SMIM14: variants seen among roughly 807,000 people sequenced by gnomAD.
SMIM14 encodes the protein small integral membrane protein 14.
Under a neutral mutation model 12.6 loss-of-function variants are expected in SMIM14, and 5 were observed. That is an observed-to-expected ratio of 0.40 (90% CI 0.21 to 0.83). SMIM14 has a LOEUF of 0.83. SMIM14 is among the 40% of genes least tolerant of loss of function. SMIM14 has a pLI of 0.37. For missense variants in SMIM14, 86 were observed against 119.1 expected, an observed-to-expected ratio of 0.72 and a Z score of 1.29; for synonymous variants, 30 against 40.1, an observed-to-expected ratio of 0.75 and a Z score of 0.95.
intron 1 of SMIM14, among the ~76,000 whole-genome samples, chr4:39,607,674 T>C (rs13108584): frequency 0.014 from 2,151 of 152,312 alleles, 24 homozygotes; most frequent in Non-Finnish European, 0.024. Context: ...TAGACACAGA[T>C]ACTAATCTAA....
intron 1 of SMIM14, among the ~76,000 whole-genome samples, chr4:39,632,232 T>C (rs1007652746): frequency 2.5e-4 from 38 of 152,166 alleles, no homozygotes; most frequent in Admixed American, 7.8e-4. Flanking sequence ...GACTCATGCC[T>C]GTAATCCCAG....
chr4:39,589,742 T>C (rs1385928108), intron 2 of SMIM14: 1 of 152,102 alleles, frequency 6.6e-6, no homozygotes, highest in African/African-American at 2.4e-5. Context: ...GAGTTACTTT[T>C]TAAAAAGGAA....
At chr4:39,610,917 T>G (rs1311898559) in intron 1 of SMIM14, among the ~76,000 whole-genome samples, 4 of 151,978 alleles carry the variant, frequency 2.6e-5, no homozygotes, top group African/African-American at 9.6e-5. Flanking sequence ...AGAATATAAG[T>G]CCAAGAAACC....
Position 39,558,570 on chromosome 4 carries a change from T to TA in SMIM14, c.125-2001dup, listed in dbSNP as rs966393931. Among the ~76,000 whole-genome samples, 1 of 152,104 alleles carries TA rather than the reference T, an allele frequency of 6.6e-6. No individual in the cohort carries two copies. The highest frequency in any genetic ancestry group is 2.4e-5 in the African/African-American group (1 of 41,428). ...TTGCATAGGGCGGAGTGGGCTTACC[T>TA]AAAAAAACCCAGTTATACAAAGAAG... is the stretch of plus-strand genomic sequence containing the variant. On this transcript the variant is annotated intron_variant, in intron 3 of 4. Transcript: ENST00000295958. This position sits in a 1 kb window ranked among gnomAD's most constrained non-coding sequence, Gnocchi z 4.3.
chr4:39,630,636 C>T (rs889507919), intron 1 of SMIM14, among the ~76,000 whole-genome samples: 8 of 152,002 alleles, frequency 5.3e-5, no homozygotes, highest in African/African-American at 9.7e-5. Context: ...CCAAGGCAGG[C>T]GAATCACCTG....
chr4:39,614,601 C>T (rs1361996234), intron 1 of SMIM14, among the ~76,000 whole-genome samples: 2 of 152,086 alleles, frequency 1.3e-5, no homozygotes, highest in East Asian at 1.9e-4. Context: ...GGATTACAGG[C>T]GTAAACCACT....
intron 2 of SMIM14, chr4:39,593,821 A>G (rs565559277): frequency 1.9e-3 from 294 of 152,302 alleles, no homozygotes; most frequent in African/African-American, 6.6e-3. Flanking sequence ...AAGAGAATAA[A>G]ATACCTAGGA....
intron 1 of SMIM14, among the ~76,000 whole-genome samples, chr4:39,636,206 C>A (rs977385): frequency 7.0e-6 from 1 of 142,914 alleles, no homozygotes; most frequent in South Asian, 2.2e-4. Flanking sequence ...AAAAGTGTGA[C>A]GTGTAAAGTT....
At chr4:39,555,127 C>T (rs531768740) in intron 4 of SMIM14, among the ~76,000 whole-genome samples, 5 of 150,106 alleles carry the variant, frequency 3.3e-5, no homozygotes, top group East Asian at 2.0e-4. Context: ...TGAGCCACCG[C>T]GCCCGGCCTC....
At chr4:39,608,571 T>A (rs1319734285) in intron 1 of SMIM14, among the ~76,000 whole-genome samples, 5 of 152,236 alleles carry the variant, frequency 3.3e-5, no homozygotes, top group Non-Finnish European at 7.3e-5. Context: ...ATTCCATTTA[T>A]ATGAAATATC....
chr4:39,563,825 C>T (rs1306531838), intron 3 of SMIM14, among the ~76,000 whole-genome samples: 1 of 152,192 alleles, frequency 6.6e-6, no homozygotes, highest in African/African-American at 2.4e-5. Flanking sequence ...TGTACCACCT[C>T]TTAGGTATAT....
At chr4:39,613,421 G>A (rs891654335) in intron 1 of SMIM14, among the ~76,000 whole-genome samples, 2 of 152,134 alleles carry the variant, frequency 1.3e-5, no homozygotes, top group Non-Finnish European at 2.9e-5. Flanking sequence ...GTACTACTCC[G>A]TTTTCAGTTA....
At position 39,547,127 on chromosome 4, in the gene SMIM14, T is replaced by C. The variant is rs573820155; in HGVS notation, c.*4999A>G. 6.6e-6 allele frequency: 1 copy of C among 152,322 alleles called. No homozygotes were observed. Among genetic ancestry groups the C allele is most frequent in the African/African-American group, 2.4e-5 (1 of 41,576 alleles). The allele number at this position is 152,322 out of a possible 1,614,324, so 9.4% of individuals were successfully genotyped here. A position where few individuals can be genotyped will look rare whatever the true frequency, so the allele number is the denominator to read the frequency against. On this transcript the variant is annotated 3_prime_UTR_variant, in exon 5 of 5. Coordinates refer to ENST00000295958, the MANE Select transcript of SMIM14 (RefSeq NM_174921.3). Reference sequence around the variant, plus strand: ...CTACTTCTGAATACTGGCCCCATACTGCATATTTTATGAATATTTTTCTCA... The same window carrying C: ...CTACTTCTGAATACTGGCCCCATACCGCATATTTTATGAATATTTTTCTCA...
chr4:39,623,527 A>G (rs1715581325), intron 1 of SMIM14, among the ~76,000 whole-genome samples: 1 of 152,180 alleles, frequency 6.6e-6, no homozygotes, highest in African/African-American at 2.4e-5. Context: ...AGCCAGCCAA[A>G]TCTTCACAGT....
At chr4:39,592,182 G>C (rs1714138368) in intron 2 of SMIM14, among the ~76,000 whole-genome samples, 1 of 151,482 alleles carries the variant, frequency 6.6e-6, no homozygotes, top group Admixed American at 6.6e-5. Flanking sequence ...GATACAATGA[G>C]ACCCTGTCTC....
chr4:39,600,539 A>T (rs1714565187), intron 2 of SMIM14, among the ~76,000 whole-genome samples: 1 of 151,996 alleles, frequency 6.6e-6, no homozygotes, highest in Non-Finnish European at 1.5e-5. Context: ...AAAATACAAA[A>T]ATTAGCCGAG....
chr4:39,599,791 G>A (rs758202132), intron 2 of SMIM14, among the ~76,000 whole-genome samples: 11 of 151,872 alleles, frequency 7.2e-5, no homozygotes, highest in South Asian at 4.2e-4. Flanking sequence ...GCATGGTAGC[G>A]CGCACCTATA....
intron 2 of SMIM14, among the ~76,000 whole-genome samples, chr4:39,574,013 G>A (rs925082185): frequency 3.3e-5 from 5 of 152,022 alleles, no homozygotes; most frequent in African/African-American, 1.2e-4. Context: ...GTTTAAAAAC[G>A]AAAATCTCAT....
intron 2 of SMIM14, among the ~76,000 whole-genome samples, chr4:39,596,809 A>G (rs1419523850): frequency 6.6e-6 from 1 of 151,986 alleles, no homozygotes; most frequent in African/African-American, 2.4e-5. Flanking sequence ...TTGCATTCTC[A>G]CCGTCATCCA....
Sources: gnomAD v4.1 joint callset for allele counts (sites outside exome capture counted in the v4.1 genomes callset) on GRCh38, gnomAD v4.1.1 for gene constraint, Gnocchi (gnomAD v3.1) non-coding constraint, MANE v1.5 for transcripts, NCBI Gene and HGNC (gene_info 2026-07-23, HGNC 2026-07-21) for gene names.